Variants in PWP1 observed in about 807,000 individuals in gnomAD.
PWP1 encodes PWP1 homolog, endonuclein.
PWP1 carries 47 observed loss-of-function variants against 69.9 expected under a neutral mutation model. That is an observed-to-expected ratio of 0.67 (90% CI 0.53 to 0.86). The LOEUF (loss-of-function observed/expected upper bound fraction) is 0.86, where lower values mean the gene tolerates loss of function less well. Ranked by LOEUF, PWP1 falls within the 40% of genes least tolerant of loss-of-function variation. The pLI, the probability that PWP1 is intolerant of heterozygous loss-of-function variation, is 0.00. For synonymous variants in PWP1, 222 were observed against 208.2 expected, an observed-to-expected ratio of 1.07 and a Z score of -0.57; for missense variants, 551 against 608.8, an observed-to-expected ratio of 0.91 and a Z score of 1.00.
chr12:107,708,808 A>G (rs2136288095), intron 11 of PWP1, 118 bp from the exon 12 acceptor site: 1 of 931,386 alleles, frequency 1.1e-6, no homozygotes, highest in South Asian at 1.6e-5. Flanking sequence ...GTCCATGTTA[A>G]TTTTTCATAA....
intron 7 of PWP1, chr12:107,697,839 A>G (rs758840576): frequency 1.8e-6 from 1 of 542,360 alleles, no homozygotes; most frequent in South Asian, 1.5e-5. Flanking sequence ...CAAAGCTAGT[A>G]TATTAATATG....
intron 1 of PWP1, among the ~76,000 whole-genome samples, chr12:107,686,969 C>CAAAAAAAAAAAAAAAAA (rs61728433): frequency 1.9e-5 from 2 of 106,772 alleles, no homozygotes; most frequent in African/African-American, 3.7e-5. Flanking sequence ...GACTCCGTCT[C>CAAAAAAAAAAAAAAAAA]AAAAAAAAAA....
intron 8 of PWP1, among the ~76,000 whole-genome samples, chr12:107,701,862 G>C (rs1889717372): frequency 6.6e-6 from 1 of 152,078 alleles, no homozygotes; most frequent in Non-Finnish European, 1.5e-5. Flanking sequence ...ATTTTTAATA[G>C]AGACAGGGTT....
intron 11 of PWP1, among the ~76,000 whole-genome samples, chr12:107,706,092 A>C: frequency 6.6e-6 from 1 of 152,214 alleles, no homozygotes; most frequent in Non-Finnish European, 1.5e-5. Flanking sequence ...TCGCCATTCT[A>C]ACTGGTGTAA....
chr12:107,690,220 C>G (rs1279648889), intron 3 of PWP1, among the ~76,000 whole-genome samples: 1 of 152,050 alleles, frequency 6.6e-6, no homozygotes, highest in Admixed American at 6.6e-5. Context: ...TAAAATATTA[C>G]ATAAGACATA....
At chr12:107,702,890 C>G (rs1181224139) in intron 8 of PWP1, 45 bp from the exon 9 acceptor site, 2 of 1,240,298 alleles carry the variant, frequency 1.6e-6, no homozygotes, top group East Asian at 2.3e-5. Context: ...ATTTAATGCT[C>G]TTGACTTTTA....
Position 107,710,496 on chromosome 12 carries a change from GCA to G in PWP1, c.1385_1386del (p.Thr462SerfsTer6), listed in dbSNP as rs769948563. On this transcript the variant is annotated frameshift_variant, in exon 14 of 15. Transcript: ENST00000412830. LOFTEE classifies it high-confidence loss of function. ...GAAGGGCTTCGGGTCTGGGATATAA[GCA>G]CAGTCTCTTCAGGTAAGGATTTTTA... The G allele has an allele frequency of 1.9e-6, 3 of 1,568,254 alleles. No homozygotes were observed. The African/African-American group carries it at 4.1e-5, about 22-fold the overall frequency.
At position 107,688,750 on chromosome 12, in the gene PWP1, T is replaced by G; in HGVS notation, c.267T>G (p.Asp89Glu). The change falls in exon 3 of 15, where the codon GAT (aspartate) becomes GAG (glutamate). Residue 89 changes from aspartate (D) to glutamate (E), a missense_variant. Coordinates refer to ENST00000412830, the MANE Select transcript of PWP1 (RefSeq NM_007062.3). Reference protein sequence around the residue: ...GDPEDDRTLDDDELAEYDLDK... With the variant: ...GDPEDDRTLDEDELAEYDLDK... The stretch of plus-strand genomic sequence containing the variant: ...CAGAGGATGACAGGACGCTTGATGA[T>G]GATGAGCTGGCTGAGTACGACTTAG... The G allele has an allele frequency of 6.2e-7, 1 of 1,614,172 alleles. No homozygotes were observed. The highest frequency in any genetic ancestry group is 8.5e-7 in the Non-Finnish European group (1 of 1,180,026).
intron 6 of PWP1, 34 bp from the exon 7 acceptor site, chr12:107,697,433 T>A: frequency 6.5e-7 from 1 of 1,536,414 alleles, no homozygotes; most frequent in Non-Finnish European, 8.7e-7. Flanking sequence ...TGTCTTTTTT[T>A]GTGTAATCAT....
At chr12:107,693,332 T>G (rs559377180) in intron 5 of PWP1, among the ~76,000 whole-genome samples, 1 of 152,052 alleles carries the variant, frequency 6.6e-6, no homozygotes, top group Admixed American at 6.6e-5. Flanking sequence ...AAATTTTTCA[T>G]AGGGGTGTTT....
At position 107,685,850 on chromosome 12, in the gene PWP1, C is replaced by T. The variant is rs1286336255; in HGVS notation, c.-50C>T. 6 of 1,601,926 alleles carry T rather than the reference C, an allele frequency of 3.7e-6. No individual in the cohort carries two copies. The highest frequency in any genetic ancestry group is 2.7e-5 in the African/African-American group (2 of 74,718). ...TGTGGCAGCAGTGCGGTCGTGGTCCCTCCCTATGCAGCCTGGTTTCTAGCG... is the reference window on the plus strand; with the variant it reads ...TGTGGCAGCAGTGCGGTCGTGGTCCTTCCCTATGCAGCCTGGTTTCTAGCG... On this transcript the variant is annotated 5_prime_UTR_variant, in exon 1 of 15. Transcript: ENST00000412830.
chr12:107,693,004 AAT>A lies in PWP1; in HGVS notation c.413_414del (p.Tyr138Ter). ...CATTTTTTTCCTCTCACTTAGGAAC[AAT>A]ATGAACGTGAAGATTTCTTGATTAA... On this transcript the variant is annotated frameshift_variant, in exon 5 of 15. Transcript: ENST00000412830. LOFTEE classifies it high-confidence loss of function. The A allele has an allele frequency of 1.2e-6, 2 of 1,614,136 alleles. No homozygotes were observed. The highest frequency in any genetic ancestry group is 1.3e-5 in the African/African-American group (1 of 75,060).
chr12:107,688,030 CAAAAAAAAAAA>C (rs56255249), intron 1 of PWP1, among the ~76,000 whole-genome samples: 144 of 37,630 alleles, frequency 3.8e-3, no homozygotes, highest in Middle Eastern at 0.053. Context: ...GACTCCGTCT[CAAAAAAAAAAA>C]AAAAAAAAAA....
chr12:107,710,552 T>TAAAAAAAAAAAAA, intron 14 of PWP1, 42 bp downstream of exon 14: 1 of 1,157,188 alleles, frequency 8.6e-7, no homozygotes, highest in Non-Finnish European at 1.1e-6. Flanking sequence ...CCTGCCCCTG[T>TAAAAAAAAAAAAA]AAAAAAAAAA....
Position 107,712,288 on chromosome 12 carries a change from T to G in PWP1, c.*68T>G. The G allele has an allele frequency of 8.3e-7, 1 of 1,197,954 alleles. No homozygotes were observed. The highest frequency in any genetic ancestry group is 1.2e-6 in the Non-Finnish European group (1 of 806,854). The allele number at this position is 1,197,954 out of a possible 1,614,324, so 74.2% of individuals were successfully genotyped here. ...AAAAAGTTGGCCTAAAAATGTTCCA[T>G]GCGTGGCAGCAACCATGCAGAGTGA... On this transcript the variant is annotated 3_prime_UTR_variant, in exon 15 of 15. Transcript: ENST00000412830.
At chr12:107,692,206 A>G (rs1889494636) in intron 3 of PWP1, among the ~76,000 whole-genome samples, 1 of 152,204 alleles carries the variant, frequency 6.6e-6, no homozygotes. Context: ...TCCTCTAACA[A>G]TTCAGTGTAT....
At chr12:107,707,562 A>G (rs925859724) in intron 11 of PWP1, among the ~76,000 whole-genome samples, 4 of 152,156 alleles carry the variant, frequency 2.6e-5, no homozygotes, top group African/African-American at 9.7e-5. Context: ...TTATTTTGAG[A>G]TATGTCTCAT....
intron 11 of PWP1, 139 bp from the exon 12 acceptor site, chr12:107,708,786 TA>T (rs1889879121): frequency 5.1e-6 from 4 of 778,398 alleles, no homozygotes; most frequent in Admixed American, 2.6e-5. Flanking sequence ...CGTCCAAAAG[TA>T]AATGATTTCT....
chr12:107,697,870 G>A (rs1864557522), intron 7 of PWP1: 1 of 485,764 alleles, frequency 2.1e-6, no homozygotes, highest in South Asian at 1.6e-5. Context: ...ATAGATGAAG[G>A]ACTTTCGGAT....
Sources: gnomAD v4.1 joint callset for allele counts (sites outside exome capture counted in the v4.1 genomes callset) on GRCh38, gnomAD v4.1.1 for gene constraint, MANE v1.5 for transcripts, NCBI Gene and HGNC (gene_info 2026-07-23, HGNC 2026-07-21) for gene names.